TBCK: variants seen among roughly 807,000 people sequenced by gnomAD.
TBCK encodes TBC1 domain containing kinase.
A neutral mutation model predicts 113.4 loss-of-function variants in TBCK; 99 were observed. The ratio of observed to expected loss-of-function variants is 0.87; its 90% CI spans 0.74 to 1.03. The LOEUF is 1.03. Ranked by LOEUF, TBCK falls within the 50% of genes least tolerant of loss-of-function variation. The pLI, the probability that TBCK is intolerant of heterozygous loss-of-function variation, is 0.00. For synonymous variants in TBCK, 369 were observed against 370.8 expected (o/e 1.00, Z 0.05); for missense variants, 1,045 against 1,061.3 (o/e 0.98, Z 0.21).
intron 2 of TBCK, among the ~76,000 whole-genome samples, chr4:106,299,414 A>G (rs895845845): frequency 6.6e-6 from 1 of 152,230 alleles, no homozygotes; most frequent in South Asian, 2.1e-4. Context: ...TAAATTGGAT[A>G]TTCATAATTC....
chr4:106,110,004 A>C (rs1742655430), intron 24 of TBCK, among the ~76,000 whole-genome samples: 2 of 152,186 alleles, frequency 1.3e-5, no homozygotes, highest in Admixed American at 6.5e-5. Context: ...ATATAAAGGA[A>C]TTGATCTAGA....
intron 25 of TBCK, among the ~76,000 whole-genome samples, chr4:106,070,400 A>G (rs551139189): frequency 2.0e-5 from 3 of 152,220 alleles, no homozygotes; most frequent in African/African-American, 7.2e-5. Flanking sequence ...TGAGATAATC[A>G]TGTGGTTTTT....
intron 11 of TBCK, 40 bp downstream of exon 11, chr4:106,244,586 T>A: frequency 1.4e-6 from 2 of 1,457,908 alleles, no homozygotes; most frequent in South Asian, 2.7e-5. Flanking sequence ...TTACCATGTA[T>A]TTATTTATTT....
At chr4:106,145,463 C>T (rs1018019438) in intron 23 of TBCK, among the ~76,000 whole-genome samples, 1 of 152,170 alleles carries the variant, frequency 6.6e-6, no homozygotes, top group African/African-American at 2.4e-5. Context: ...CATATTAACA[C>T]CATGTAATTA....
At chr4:106,200,020 A>C (rs1229626298) in intron 20 of TBCK, among the ~76,000 whole-genome samples, 1 of 152,126 alleles carries the variant, frequency 6.6e-6, no homozygotes, top group Non-Finnish European at 1.5e-5. Context: ...ATGATCAACA[A>C]AACTATGTAA....
chr4:106,211,438 T>C (rs1186294864), intron 20 of TBCK, among the ~76,000 whole-genome samples: 2 of 152,132 alleles, frequency 1.3e-5, no homozygotes, highest in Non-Finnish European at 2.9e-5. Flanking sequence ...TAAAATCATC[T>C]TATTAAATGT....
intron 1 of TBCK, among the ~76,000 whole-genome samples, chr4:106,311,517 C>G (rs1768194305): frequency 6.6e-6 from 1 of 151,720 alleles, no homozygotes; most frequent in South Asian, 2.1e-4. Flanking sequence ...TTCTGGAATA[C>G]TTATATCTAT....
At chr4:106,164,846 T>A (rs1415463562) in intron 23 of TBCK, among the ~76,000 whole-genome samples, 1 of 151,760 alleles carries the variant, frequency 6.6e-6, no homozygotes, top group Non-Finnish European at 1.5e-5. Context: ...TATAAAAATG[T>A]GCTTTAAATA....
At chr4:106,187,962 G>C (rs933771745) in intron 22 of TBCK, among the ~76,000 whole-genome samples, 2 of 152,090 alleles carry the variant, frequency 1.3e-5, no homozygotes, top group African/African-American at 4.8e-5. Flanking sequence ...AGGCTATGGG[G>C]ATTTCTAGGC....
intron 24 of TBCK, among the ~76,000 whole-genome samples, chr4:106,110,713 G>A (rs992027956): frequency 6.6e-5 from 10 of 152,220 alleles, no homozygotes; most frequent in Non-Finnish European, 1.3e-4. Context: ...GCTTTAGTTA[G>A]GGTGGCTCTG....
chr4:106,092,167 G>A (rs1338775542), intron 25 of TBCK, among the ~76,000 whole-genome samples: 3 of 152,154 alleles, frequency 2.0e-5, no homozygotes, highest in Admixed American at 1.3e-4. Flanking sequence ...GCTAGATACA[G>A]AGTGCTGATT....
At chr4:106,147,143 T>C (rs1560718370) in intron 23 of TBCK, among the ~76,000 whole-genome samples, 1 of 152,208 alleles carries the variant, frequency 6.6e-6, no homozygotes, top group African/African-American at 2.4e-5. Flanking sequence ...CTCAGTGAAG[T>C]CTTGAACTCC....
Position 106,140,819 on chromosome 4 carries a change from T to A in TBCK, c.2236-24441A>T, listed in dbSNP as rs376234343. ...GTGATCAGAGACTTTAAATATACCC[T>A]TGACTTAAACCGAAAGTTTGGTAGT... is the stretch of plus-strand genomic sequence containing the variant. On this transcript the variant is annotated intron_variant, in intron 23 of 25. Transcript: ENST00000394708. Among the ~76,000 whole-genome samples the A allele has an allele frequency of 2.9e-5, 4 of 139,782 alleles. No homozygotes were observed. The East Asian group carries it at 6.1e-4, about 21-fold the overall frequency. The allele number at this position is 139,782 out of a possible 152,430, so 91.7% of individuals were successfully genotyped here. A position where few individuals can be genotyped will look rare whatever the true frequency, so the allele number is the denominator to read the frequency against.
At chr4:106,153,824 T>C (rs545384995) in intron 23 of TBCK, among the ~76,000 whole-genome samples, 2 of 152,096 alleles carry the variant, frequency 1.3e-5, no homozygotes. Flanking sequence ...CGTCTCTTCT[T>C]AGAGTTTTTT....
chr4:106,263,432 T>A (rs988411464), intron 3 of TBCK, among the ~76,000 whole-genome samples: 1 of 151,884 alleles, frequency 6.6e-6, no homozygotes, highest in African/African-American at 2.4e-5. Flanking sequence ...ACTCAGTCTA[T>A]GAGAAACGCA....
At position 106,043,909 on chromosome 4, in the gene TBCK, G is replaced by A. The variant is rs577057359; in HGVS notation, c.*2661C>T. The A allele has an allele frequency of 6.6e-6, 1 of 152,278 alleles. No individual in the cohort carries two copies. Among genetic ancestry groups the A allele is most frequent in the Non-Finnish European group, 1.5e-5 (1 of 68,046 alleles). 9.4% of individuals were successfully genotyped at this position (152,278 alleles called of 1,614,324 possible). On this transcript the variant is annotated 3_prime_UTR_variant, in exon 26 of 26. Transcript: ENST00000394708. Reference sequence around the variant, plus strand: ...TATACGTTTAATCTAACAAATAGTTGTTGAGGTCAACTGTTCGTATCATCC... The same window carrying A: ...TATACGTTTAATCTAACAAATAGTTATTGAGGTCAACTGTTCGTATCATCC...
intron 22 of TBCK, among the ~76,000 whole-genome samples, chr4:106,172,403 T>C (rs1198265840): frequency 2.6e-5 from 4 of 152,118 alleles, no homozygotes; most frequent in African/African-American, 7.2e-5. Context: ...TAGCCAGTCC[T>C]CTATGGCGAA....
intron 23 of TBCK, among the ~76,000 whole-genome samples, chr4:106,125,080 G>A (rs191976474): frequency 1.3e-5 from 2 of 151,914 alleles, no homozygotes; most frequent in Non-Finnish European, 1.5e-5. Context: ...AAGCATGGAC[G>A]TTAGTAAGGA....
intron 6 of TBCK, 105 bp downstream of exon 6, chr4:106,251,761 T>C: frequency 2.8e-6 from 3 of 1,067,072 alleles, no homozygotes; most frequent in Non-Finnish European, 3.7e-6. Flanking sequence ...CATATGTAAT[T>C]AATTTGTACA....
Sources: allele counts gnomAD v4.1 joint callset (sites outside exome capture counted in the v4.1 genomes callset), GRCh38; gene constraint gnomAD v4.1.1; transcripts MANE v1.5; gene names NCBI Gene and HGNC (gene_info 2026-07-23, HGNC 2026-07-21).